Variants in SPDEF observed in about 807,000 individuals in gnomAD.
SPDEF encodes the protein SAM pointed domain-containing Ets transcription factor.
A neutral mutation model predicts 36.0 loss-of-function variants in SPDEF; 12 were observed. The ratio of observed to expected loss-of-function variants is 0.33; its 90% CI spans 0.21 to 0.54. The LOEUF is 0.54. Among genes scored for constraint, SPDEF ranks in the 20% least tolerant of loss-of-function variants. The pLI, the probability that SPDEF is intolerant of heterozygous loss-of-function variation, is 0.93. For synonymous variants in SPDEF, 205 were observed against 193.0 expected (o/e 1.06, Z -0.51); for missense variants, 388 against 456.9 (o/e 0.85, Z 1.37).
chr6:34,546,247 T>C (rs1210999657), intron 1 of SPDEF, among the ~76,000 whole-genome samples: 1 of 152,128 alleles, frequency 6.6e-6, no homozygotes, highest in Non-Finnish European at 1.5e-5. Flanking sequence ...CTCTGGGTGA[T>C]TCTCGTGCAT....
rs1727158415 is a variant in SPDEF at position 34,539,127 on chromosome 6, G to A, written c.829+123C>T. On this transcript the variant is annotated intron_variant, in intron 5 of 5. Transcript: ENST00000374037. The surrounding 1 kb of genome is among the most constrained non-coding windows in gnomAD (Gnocchi z 5.2). ...TGAGAGCTGCATATTTGGCATCTAG[G>A]ACAAAGGTGGGGATCAGCTTCACCC... The A allele has an allele frequency of 8.5e-7, 1 of 1,173,904 alleles. No individual in the cohort carries two copies. The highest frequency in any genetic ancestry group is 1.5e-5 in the African/African-American group (1 of 65,546). 72.7% of individuals were successfully genotyped at this position (1,173,904 alleles called of 1,614,324 possible).
chr6:34,542,568 G>A (rs922235477), intron 2 of SPDEF, among the ~76,000 whole-genome samples: 5 of 152,170 alleles, frequency 3.3e-5, no homozygotes, highest in Non-Finnish European at 7.3e-5. Flanking sequence ...CAATTCCCCC[G>A]TCCTAGAATA....
rs114591670 is a variant in SPDEF at position 34,544,651 on chromosome 6, T to A, written c.-29-167A>T. On this transcript the variant is annotated intron_variant, in intron 1 of 5. Coordinates refer to ENST00000374037, the MANE Select transcript of SPDEF (RefSeq NM_012391.3). This position sits in a 1 kb window ranked among gnomAD's most constrained non-coding sequence, Gnocchi z 4.4. ...CACGACATGGTTGGGCAGACAGGCC[T>A]TCTGGCTGGGAAAGACAGCGAGGTG... 0.019 allele frequency among the ~76,000 whole-genome samples: 2,858 copies of A among 152,280 alleles called. 43 individuals carry two copies. The highest frequency in any genetic ancestry group is 0.034 in the Admixed American group (520 of 15,296).
At position 34,537,920 on chromosome 6, in the gene SPDEF, G is replaced by A. The variant is rs1767727586; in HGVS notation, c.*354C>T. Reference sequence around the variant, plus strand: ...GGTGCAGAATGGGAGGCAGGGGGATGGAGCAGAGAGAGGCCTGGACTGCCT... The same window carrying A: ...GGTGCAGAATGGGAGGCAGGGGGATAGAGCAGAGAGAGGCCTGGACTGCCT... On this transcript the variant is annotated 3_prime_UTR_variant, in exon 6 of 6. Transcript: ENST00000374037. 4.6e-6 allele frequency: 1 copy of A among 219,046 alleles called. No homozygotes were observed. The highest frequency in any genetic ancestry group is 9.2e-6 in the Non-Finnish European group (1 of 109,222). The allele number at this position is 219,046 out of a possible 1,614,324, so 13.6% of individuals were successfully genotyped here. A position where few individuals can be genotyped will look rare whatever the true frequency, so the allele number is the denominator to read the frequency against.
At chr6:34,554,373 C>T (rs1006644573) in intron 1 of SPDEF, among the ~76,000 whole-genome samples, 8 of 151,860 alleles carry the variant, frequency 5.3e-5, no homozygotes, top group African/African-American at 1.5e-4. Context: ...AGCCCTATTC[C>T]CTCAGACTTG....
chr6:34,554,871 T>A (rs370884169), intron 1 of SPDEF, among the ~76,000 whole-genome samples: 1 of 152,130 alleles, frequency 6.6e-6, no homozygotes, highest in African/African-American at 2.4e-5. Context: ...TGCAGCTTTA[T>A]TGGGGAGGTT....
Position 34,555,499 on chromosome 6 carries a change from C to T in SPDEF, c.-30+430G>A, listed in dbSNP as rs546639813. On this transcript the variant is annotated intron_variant, in intron 1 of 5. Transcript: ENST00000374037. The surrounding 1 kb of genome is among the most constrained non-coding windows in gnomAD (Gnocchi z 5.2). ...CATCAAGCTCCAGCAAGCCCCTGCC[C>T]ACTGGTGGCCTGGCACCAGGGAGAC... is the stretch of plus-strand genomic sequence containing the variant. 6.6e-6 allele frequency among the ~76,000 whole-genome samples: 1 copy of T among 152,338 alleles called. No homozygotes were observed.
chr6:34,544,503 A>T lies in SPDEF; in HGVS notation c.-29-19T>A. On this transcript the variant is annotated intron_variant, in intron 1 of 5. Coordinates refer to ENST00000374037, the MANE Select transcript of SPDEF (RefSeq NM_012391.3). The surrounding 1 kb of genome is among the most constrained non-coding windows in gnomAD (Gnocchi z 4.4). ...GCTGTGTCTACGGAAATGAAAGAGGACTCAGGTTTGACTGCTTCTCCATCC... is the reference window on the plus strand; with the variant it reads ...GCTGTGTCTACGGAAATGAAAGAGGTCTCAGGTTTGACTGCTTCTCCATCC... 6.8e-7 allele frequency: 1 copy of T among 1,477,824 alleles called. No homozygotes were observed. Among genetic ancestry groups the T allele is most frequent in the Non-Finnish European group, 9.0e-7 (1 of 1,116,220 alleles). 91.5% of individuals were successfully genotyped at this position (1,477,824 alleles called of 1,614,324 possible).
At position 34,539,657 on chromosome 6, in the gene SPDEF, CCT is replaced by C; in HGVS notation, c.635-97_635-96del. The C allele has an allele frequency of 7.0e-7, 1 of 1,423,252 alleles. No homozygotes were observed. The highest frequency in any genetic ancestry group is 9.7e-7 in the Non-Finnish European group (1 of 1,033,444). 88.2% of individuals were successfully genotyped at this position (1,423,252 alleles called of 1,614,324 possible). A position where few individuals can be genotyped will look rare whatever the true frequency, so the allele number is the denominator to read the frequency against. On this transcript the variant is annotated intron_variant, in intron 3 of 5. Coordinates refer to ENST00000374037, the MANE Select transcript of SPDEF (RefSeq NM_012391.3). The surrounding 1 kb of genome is among the most constrained non-coding windows in gnomAD (Gnocchi z 5.2). ...GTGGGACTGTGGGGCCACAGGAGCCCCTCTGTGGCTGGGGGTTGCCCCTGTGG... is the reference window on the plus strand; with the variant it reads ...GTGGGACTGTGGGGCCACAGGAGCCCCTGTGGCTGGGGGTTGCCCCTGTGG...
At chr6:34,551,857 G>A (rs1652122294) in intron 1 of SPDEF, among the ~76,000 whole-genome samples, 1 of 152,102 alleles carries the variant, frequency 6.6e-6, no homozygotes, top group Non-Finnish European at 1.5e-5. Context: ...AGACAAACCT[G>A]GGGCTTGCAG....
At chr6:34,550,623 G>A (rs1768039215) in intron 1 of SPDEF, among the ~76,000 whole-genome samples, 1 of 152,158 alleles carries the variant, frequency 6.6e-6, no homozygotes, top group African/African-American at 2.4e-5. Context: ...AACTGTCCAG[G>A]CCAACTGTCC....
chr6:34,543,973 T>A, intron 2 of SPDEF, 47 bp downstream of exon 2: 2 of 1,579,036 alleles, frequency 1.3e-6, no homozygotes, highest in Non-Finnish European at 1.7e-6. Flanking sequence ...GACCTCAGCC[T>A]TGCCTGTGAC....
chr6:34,543,777 A>T (rs2127286073), intron 2 of SPDEF, among the ~76,000 whole-genome samples: 1 of 152,308 alleles, frequency 6.6e-6, no homozygotes, highest in South Asian at 2.1e-4. Context: ...GCTTGAATTC[A>T]TATCATCCAG....
At position 34,552,217 on chromosome 6, in the gene SPDEF, C is replaced by A. The variant is rs1046447430; in HGVS notation, c.-30+3712G>T. On this transcript the variant is annotated intron_variant, in intron 1 of 5. Coordinates refer to ENST00000374037, the MANE Select transcript of SPDEF (RefSeq NM_012391.3). This position sits in a 1 kb window ranked among gnomAD's most constrained non-coding sequence, Gnocchi z 4.6. ...CCTCTTCCCTACCCTCCTCCAGCCC[C>A]GCATACGCCGTACCTCCCAGCTTGC... 6.6e-6 allele frequency among the ~76,000 whole-genome samples: 1 copy of A among 152,274 alleles called. No homozygotes were observed. The highest frequency in any genetic ancestry group is 1.9e-4 in the East Asian group (1 of 5,158).
chr6:34,554,032 G>A (rs1768118219), intron 1 of SPDEF, among the ~76,000 whole-genome samples: 1 of 152,060 alleles, frequency 6.6e-6, no homozygotes, highest in Admixed American at 6.5e-5. Context: ...GCTTTAACAG[G>A]CAATAGCCTT....
chr6:34,538,131 G>T lies in SPDEF; in HGVS notation c.*143C>A. 2.3e-6 allele frequency: 2 copies of T among 872,788 alleles called. No homozygotes were observed. The highest frequency in any genetic ancestry group is 3.5e-6 in the Non-Finnish European group (2 of 577,694). 54.1% of individuals were successfully genotyped at this position (872,788 alleles called of 1,614,324 possible). ...GGACCCATATCCCCCTGGGGCAGTT[G>T]GTTGCCCCTCCCTGACCTTGGGCTC... On this transcript the variant is annotated 3_prime_UTR_variant, in exon 6 of 6. Coordinates refer to ENST00000374037, the MANE Select transcript of SPDEF (RefSeq NM_012391.3). This position sits in a 1 kb window ranked among gnomAD's most constrained non-coding sequence, Gnocchi z 5.9.
chr6:34,540,890 G>T (rs1292545439), intron 3 of SPDEF, 94 bp downstream of exon 3: 1 of 1,199,098 alleles, frequency 8.3e-7, no homozygotes, highest in Non-Finnish European at 1.2e-6. Flanking sequence ...GGGGCCAAGG[G>T]GCTGCTGCCC....
At chr6:34,545,896 G>A (rs1190618749) in intron 1 of SPDEF, among the ~76,000 whole-genome samples, 1 of 151,756 alleles carries the variant, frequency 6.6e-6, no homozygotes, top group Non-Finnish European at 1.5e-5. Flanking sequence ...CTGGGTGAAA[G>A]AGCAAAACTC....
At chr6:34,546,997 C>G (rs1415441685) in intron 1 of SPDEF, among the ~76,000 whole-genome samples, 3 of 149,046 alleles carry the variant, frequency 2.0e-5, no homozygotes, top group Non-Finnish European at 3.0e-5. Context: ...TGGGGACCCC[C>G]CCCCGCAGCC....
Sources: gnomAD v4.1 joint callset for allele counts (sites outside exome capture counted in the v4.1 genomes callset) on GRCh38, gnomAD v4.1.1 for gene constraint, Gnocchi (gnomAD v3.1) non-coding constraint, MANE v1.5 for transcripts, NCBI Gene and HGNC (gene_info 2026-07-23, HGNC 2026-07-21) for gene names.